Variants in ZNF804A observed in about 807,000 individuals in gnomAD.
ZNF804A encodes zinc finger protein 804A.
ZNF804A carries 2 observed loss-of-function variants against 16.5 expected under a neutral mutation model. That is an observed-to-expected ratio of 0.12 (90% CI 0.05 to 0.38). ZNF804A has a LOEUF of 0.38. Among genes scored for constraint, ZNF804A ranks in the 10% least tolerant of loss-of-function variants. The pLI, the probability that ZNF804A is intolerant of heterozygous loss-of-function variation, is 0.99. For synonymous variants in ZNF804A, 534 were observed against 489.6 expected, an observed-to-expected ratio of 1.09 and a Z score of -1.20; for missense variants, 1,473 against 1,390.7, an observed-to-expected ratio of 1.06 and a Z score of -0.94.
At chr2:184,801,219 C>CT (rs1694721168) in intron 1 of ZNF804A, among the ~76,000 whole-genome samples, 1 of 151,948 alleles carries the variant, frequency 6.6e-6, no homozygotes, top group South Asian at 2.1e-4. Flanking sequence ...CATCTTTTGA[C>CT]TTTTTTGTGT....
intron 1 of ZNF804A, among the ~76,000 whole-genome samples, chr2:184,686,895 T>C (rs1692645852): frequency 6.6e-6 from 1 of 152,234 alleles, no homozygotes; most frequent in Non-Finnish European, 1.5e-5. Context: ...TTTTCTTGCT[T>C]ATTAATTTAT....
At chr2:184,681,644 G>T (rs1026394724) in intron 1 of ZNF804A, among the ~76,000 whole-genome samples, 1 of 152,188 alleles carries the variant, frequency 6.6e-6, no homozygotes, top group Non-Finnish European at 1.5e-5. Context: ...GATGGCATCC[G>T]CAGCCTGTCT....
At chr2:184,636,828 T>C (rs990461832) in intron 1 of ZNF804A, among the ~76,000 whole-genome samples, 1 of 152,196 alleles carries the variant, frequency 6.6e-6, no homozygotes, top group African/African-American at 2.4e-5. Context: ...TGGATCAATG[T>C]ATAATGAAAT....
intron 1 of ZNF804A, among the ~76,000 whole-genome samples, chr2:184,759,829 C>T (rs1337556025): frequency 6.6e-6 from 1 of 152,062 alleles, no homozygotes; most frequent in African/African-American, 2.4e-5. Flanking sequence ...CACTCCTGCC[C>T]GCCAGAGAAC....
rs552275132 is a variant in ZNF804A at position 184,718,693 on chromosome 2, C to T, written c.111+119623C>T. The stretch of plus-strand genomic sequence containing the variant: ...ATGATCTCCTTGACTCCATGTCTCA[C>T]ATCCAGGTCACGCTGATACAAGAAG... On this transcript the variant is annotated intron_variant, in intron 1 of 3. Transcript: ENST00000302277. Among the ~76,000 whole-genome samples the T allele has an allele frequency of 3.9e-5, 6 of 152,254 alleles. No individual in the cohort carries two copies. In the South Asian group the frequency reaches 1.2e-3, roughly 32 times the overall value.
chr2:184,937,497 A>G lies in ZNF804A; in HGVS notation c.2101A>G (p.Asn701Asp). 1.2e-6 allele frequency: 2 copies of G among 1,612,292 alleles called. No homozygotes were observed. The highest frequency in any genetic ancestry group is 2.7e-5 in the African/African-American group (2 of 75,056). ...NHCKKNTILLNGQSNATMIHS... is the reference protein window; with the variant it reads ...NHCKKNTILLDGQSNATMIHS... The stretch of plus-strand genomic sequence containing the variant: ...CTGTAAAAAGAACACAATACTTTTA[A>G]ATGGACAATCAAATGCAACAATGAT... Residue 701 changes from asparagine (N) to aspartate (D), a missense_variant, in exon 4 of 4, where the codon AAT becomes GAT. Coordinates refer to ENST00000302277, the MANE Select transcript of ZNF804A (RefSeq NM_194250.2).
rs1450082792 is a variant in ZNF804A at position 184,637,141 on chromosome 2, T to C, written c.111+38071T>C. 2.0e-5 allele frequency among the ~76,000 whole-genome samples: 3 copies of C among 152,178 alleles called. No homozygotes were observed. In the East Asian group the frequency reaches 5.8e-4, roughly 29 times the overall value. On this transcript the variant is annotated intron_variant, in intron 1 of 3. Coordinates refer to ENST00000302277, the MANE Select transcript of ZNF804A (RefSeq NM_194250.2). ...AATTGCAGTGGATTGAGTTTAAAAT[T>C]AAAAACCTCTTTTTAGAATTAGGGG...
At chr2:184,918,029 G>A (rs1479750189) in intron 2 of ZNF804A, among the ~76,000 whole-genome samples, 1 of 152,034 alleles carries the variant, frequency 6.6e-6, no homozygotes, top group Non-Finnish European at 1.5e-5. Flanking sequence ...TCCATTATTA[G>A]TCATGCCTGA....
At chr2:184,629,005 A>AT (rs1284321777) in intron 1 of ZNF804A, among the ~76,000 whole-genome samples, 1 of 151,922 alleles carries the variant, frequency 6.6e-6, no homozygotes, top group Non-Finnish European at 1.5e-5. Flanking sequence ...TCATTCTCTC[A>AT]TTTTTTGACA....
At chr2:184,848,724 C>A (rs552074592) in intron 1 of ZNF804A, among the ~76,000 whole-genome samples, 1 of 152,110 alleles carries the variant, frequency 6.6e-6, no homozygotes, top group Admixed American at 6.6e-5. Context: ...GATGACACAG[C>A]TGTAGCTAGG....
intron 2 of ZNF804A, among the ~76,000 whole-genome samples, chr2:184,878,814 A>G (rs928188119): frequency 6.6e-6 from 1 of 152,022 alleles, no homozygotes; most frequent in Non-Finnish European, 1.5e-5. Context: ...TATTGTTGAT[A>G]ATAAAAATAT....
rs930592378 is a variant in ZNF804A at position 184,937,187 on chromosome 2, A to G, written c.1791A>G (p.Lys597=). The part of the protein sequence containing the change: ...EYWFHKSRRK[K]KRKKLCQHHH... ...GGTTCCATAAAAGTAGAAGAAAGAA[A>G]AAAAGAAAAAAGTTATGTCAGCATC... is the stretch of plus-strand genomic sequence containing the variant. The change falls in exon 4 of 4, where the codon AAA becomes AAG. Residue 597 remains lysine (K), a synonymous_variant. Transcript: ENST00000302277. 1.1e-5 allele frequency: 18 copies of G among 1,596,376 alleles called. No individual in the cohort carries two copies. The highest frequency in any genetic ancestry group is 4.1e-5 in the African/African-American group (3 of 73,240).
intron 2 of ZNF804A, among the ~76,000 whole-genome samples, chr2:184,870,464 T>A (rs971489668): frequency 6.6e-6 from 1 of 152,010 alleles, no homozygotes; most frequent in Non-Finnish European, 1.5e-5. Context: ...ACATAATAAT[T>A]CATTAAAGGA....
intron 1 of ZNF804A, among the ~76,000 whole-genome samples, chr2:184,705,982 A>G (rs1693024738): frequency 6.6e-6 from 1 of 152,150 alleles, no homozygotes; most frequent in South Asian, 2.1e-4. Flanking sequence ...TCACTTGATT[A>G]TTAAAACCCT....
intron 1 of ZNF804A, among the ~76,000 whole-genome samples, chr2:184,705,762 G>A (rs115032605): frequency 5.9e-4 from 89 of 152,028 alleles, no homozygotes; most frequent in African/African-American, 2.1e-3. Flanking sequence ...CAATGAATAC[G>A]CATCTTGGCA....
At chr2:184,781,596 A>G (rs1211116795) in intron 1 of ZNF804A, among the ~76,000 whole-genome samples, 1 of 151,704 alleles carries the variant, frequency 6.6e-6, no homozygotes, top group African/African-American at 2.4e-5. Flanking sequence ...GTACCACACT[A>G]CACCTTGGCT....
intron 1 of ZNF804A, 30 bp from the exon 2 acceptor site, chr2:184,866,339 T>G (rs1437075298): frequency 1.2e-6 from 2 of 1,610,092 alleles, no homozygotes; most frequent in East Asian, 4.5e-5. Flanking sequence ...GAGAGCTAAT[T>G]GTATCCTTCC....
At chr2:184,814,065 A>G (rs1012126873) in intron 1 of ZNF804A, among the ~76,000 whole-genome samples, 2 of 144,160 alleles carry the variant, frequency 1.4e-5, no homozygotes, top group Non-Finnish European at 3.0e-5. Context: ...ATAGTACCAA[A>G]GCATAGATAT....
chr2:184,861,195 C>T (rs1034150574), intron 1 of ZNF804A, among the ~76,000 whole-genome samples: 1 of 152,196 alleles, frequency 6.6e-6, no homozygotes, highest in South Asian at 2.1e-4. Context: ...CCTATGTTCA[C>T]ATTCCTCTCC....
Sources: gnomAD v4.1 joint callset for allele counts (sites outside exome capture counted in the v4.1 genomes callset) on GRCh38, gnomAD v4.1.1 for gene constraint, MANE v1.5 for transcripts, NCBI Gene and HGNC (gene_info 2026-07-23, HGNC 2026-07-21) for gene names.